Variants in NALF1 observed in about 807,000 individuals in gnomAD.
The protein encoded by NALF1 is NALCN channel auxiliary factor 1.
NALF1 carries 3 observed loss-of-function variants against 48.4 expected under a neutral mutation model. The observed-to-expected ratio is 0.06, with a 90% CI of 0.03 to 0.16. NALF1 has a LOEUF of 0.16. Ranked by LOEUF, NALF1 falls within the 10% of genes least tolerant of loss-of-function variation. The probability of loss-of-function intolerance (pLI) is 1.00; values close to 1 mark genes in which losing one functional copy is unlikely to be tolerated. For missense variants in NALF1, 526 were observed against 571.5 expected, an observed-to-expected ratio of 0.92 and a Z score of 0.81; for synonymous variants, 262 against 245.7, an observed-to-expected ratio of 1.07 and a Z score of -0.62.
At chr13:107,636,820 T>C (rs1879989472) in intron 1 of NALF1, among the ~76,000 whole-genome samples, 1 of 151,092 alleles carries the variant, frequency 6.6e-6, no homozygotes, top group Non-Finnish European at 1.5e-5. Context: ...ACATAATATA[T>C]GAGGTAAACC....
intron 1 of NALF1, among the ~76,000 whole-genome samples, chr13:107,618,021 C>T (rs1025580562): frequency 2.0e-5 from 3 of 151,964 alleles, no homozygotes; most frequent in Non-Finnish European, 4.4e-5. Flanking sequence ...TAAGCATGCT[C>T]CCTGCTCTCA....
intron 1 of NALF1, among the ~76,000 whole-genome samples, chr13:107,427,669 T>C (rs1295536936): frequency 2.0e-5 from 3 of 152,206 alleles, no homozygotes; most frequent in African/African-American, 7.2e-5. Flanking sequence ...ACAAAAAGCT[T>C]GCATTGTGCT....
chr13:107,847,840 C>T (rs1880212336), intron 1 of NALF1, among the ~76,000 whole-genome samples: 1 of 152,142 alleles, frequency 6.6e-6, no homozygotes, highest in South Asian at 2.1e-4. Context: ...ATAATAAACA[C>T]GACTTGTTTT....
intron 1 of NALF1, among the ~76,000 whole-genome samples, chr13:107,340,589 A>C (rs983313003): frequency 6.6e-5 from 10 of 151,484 alleles, no homozygotes; most frequent in African/African-American, 2.2e-4. Context: ...ACAGGAAGAG[A>C]GGAACAGTTG....
intron 1 of NALF1, among the ~76,000 whole-genome samples, chr13:107,672,642 A>C (rs1027981497): frequency 6.6e-6 from 1 of 152,174 alleles, no homozygotes; most frequent in African/African-American, 2.4e-5. Context: ...ATTCTTTCAC[A>C]TTATTCTTTT....
At chr13:107,690,195 C>T (rs1881535719) in intron 1 of NALF1, among the ~76,000 whole-genome samples, 1 of 152,318 alleles carries the variant, frequency 6.6e-6, no homozygotes, top group African/African-American at 2.4e-5. Context: ...AGACTGTTAT[C>T]CAGTTCTGCT....
chr13:107,726,913 TTGTGTGTGTGTGTGTGTGTGTG>T (rs1171461096), intron 1 of NALF1, among the ~76,000 whole-genome samples: 18 of 126,484 alleles, frequency 1.4e-4, no homozygotes, highest in African/African-American at 3.3e-4. Flanking sequence ...CGGCAAATTC[TTGTGTGTGTGTGTGTGTGTGTG>T]TGTGTGTGTG....
intron 1 of NALF1, among the ~76,000 whole-genome samples, chr13:107,630,209 T>C (rs1335621657): frequency 6.6e-6 from 1 of 152,162 alleles, no homozygotes; most frequent in Non-Finnish European, 1.5e-5. Flanking sequence ...TACATTCTCT[T>C]ACCGTGACAC....
intron 1 of NALF1, among the ~76,000 whole-genome samples, chr13:107,742,217 G>C (rs984902642): frequency 6.6e-6 from 1 of 152,092 alleles, no homozygotes; most frequent in Non-Finnish European, 1.5e-5. Flanking sequence ...TACCACCCCG[G>C]CTATTCATGT....
chr13:107,799,950 A>G lies in NALF1; in HGVS notation c.915+65732T>C, dbSNP rs565284488. On this transcript the variant is annotated intron_variant, in intron 1 of 2. Transcript: ENST00000375915. The stretch of plus-strand genomic sequence containing the variant: ...TATGAGGAAGCAAAATGGATTGAAG[A>G]AAGCTGGAAAAAGAAAAAAATATTG... 2.0e-5 allele frequency among the ~76,000 whole-genome samples: 3 copies of G among 152,306 alleles called. No homozygotes were observed. The South Asian group carries it at 6.2e-4, about 32-fold the overall frequency.
intron 1 of NALF1, among the ~76,000 whole-genome samples, chr13:107,225,061 T>A (rs1172041836): frequency 1.3e-5 from 2 of 152,154 alleles, no homozygotes; most frequent in African/African-American, 2.4e-5. Context: ...CAGGCTGGAG[T>A]GCAGTGGCAC....
chr13:107,351,710 CTT>C lies in NALF1; in HGVS notation c.916-140957_916-140956del, dbSNP rs372644139. Among the ~76,000 whole-genome samples, 453 of 152,268 alleles carry C rather than the reference CTT, an allele frequency of 3.0e-3. 1 individual carries two copies. The highest frequency in any genetic ancestry group is 0.014 in the Middle Eastern group (4 of 294). On this transcript the variant is annotated intron_variant, in intron 1 of 2. Transcript: ENST00000375915. ...ATTCTATCCATTCCAGATTATAATC[CTT>C]ATTTCTTATTCCCGAATAAACTCAA...
At chr13:107,556,255 C>T (rs1169512645) in intron 1 of NALF1, among the ~76,000 whole-genome samples, 1 of 129,952 alleles carries the variant, frequency 7.7e-6, no homozygotes, top group Non-Finnish European at 1.5e-5. Context: ...TGTGCCTCTC[C>T]TCTCTCTCTC....
chr13:107,479,674 T>A (rs989201480), intron 1 of NALF1, among the ~76,000 whole-genome samples: 3 of 152,170 alleles, frequency 2.0e-5, no homozygotes, highest in African/African-American at 7.2e-5. Flanking sequence ...TAATGTCTTT[T>A]GTCTAATTAC....
intron 1 of NALF1, among the ~76,000 whole-genome samples, chr13:107,345,269 A>C (rs936048465): frequency 1.3e-5 from 2 of 152,178 alleles, no homozygotes; most frequent in African/African-American, 4.8e-5. Flanking sequence ...TTTCTATCAA[A>C]ATCTCAATTG....
rs9587422 is a variant in NALF1, at chr13:107,662,065, C to G, written c.915+203617G>C. On this transcript the variant is annotated intron_variant, in intron 1 of 2. Transcript: ENST00000375915. ...AAAAGAAGTCAGGGTTGGAGGAGGA[C>G]AGCAGAAAAAGCTCTATTTTCCCAT... Among the ~76,000 whole-genome samples, 915 of 152,266 alleles carry G rather than the reference C, an allele frequency of 6.0e-3. 11 individuals carry two copies. The highest frequency in any genetic ancestry group is 0.021 in the African/African-American group (868 of 41,568).
At chr13:107,176,836 G>A (rs1566441933) in intron 2 of NALF1, among the ~76,000 whole-genome samples, 1 of 151,812 alleles carries the variant, frequency 6.6e-6, no homozygotes, top group East Asian at 1.9e-4. Context: ...TTGACTTATT[G>A]GAAAAGAATA....
chr13:107,659,113 A>T (rs1254763643), intron 1 of NALF1, among the ~76,000 whole-genome samples: 1 of 124,760 alleles, frequency 8.0e-6, no homozygotes, highest in African/African-American at 3.4e-5. Context: ...ACTGACACAC[A>T]GACACACACA....
At chr13:107,687,856 G>A (rs1471457065) in intron 1 of NALF1, among the ~76,000 whole-genome samples, 1 of 152,272 alleles carries the variant, frequency 6.6e-6, no homozygotes, top group Middle Eastern at 3.4e-3. Context: ...TGGCTGCCAT[G>A]GACACAGAGC....
Sources: gnomAD v4.1 joint callset for allele counts (sites outside exome capture counted in the v4.1 genomes callset) on GRCh38, gnomAD v4.1.1 for gene constraint, MANE v1.5 for transcripts, NCBI Gene and HGNC (gene_info 2026-07-23, HGNC 2026-07-21) for gene names.